Variants in CDK17 observed in about 807,000 individuals in gnomAD.
The protein encoded by CDK17 is cyclin dependent kinase 17, also known as cyclin-dependent kinase 17.
Under a neutral mutation model 77.6 loss-of-function variants are expected in CDK17, and 24 were observed. That is an observed-to-expected ratio of 0.31 (90% confidence interval 0.22 to 0.44). The LOEUF (loss-of-function observed/expected upper bound fraction) is 0.44, where lower values mean the gene tolerates loss of function less well. CDK17 is among the 20% of genes least tolerant of loss of function. The pLI is 1.00. For missense variants in CDK17, 429 were observed against 622.5 expected, an observed-to-expected ratio of 0.69 and a Z score of 3.31; for synonymous variants, 203 against 210.4, an observed-to-expected ratio of 0.96 and a Z score of 0.30.
intron 4 of CDK17, among the ~76,000 whole-genome samples, chr12:96,313,064 C>T (rs545957646): frequency 5.3e-5 from 8 of 151,928 alleles, no homozygotes; most frequent in Non-Finnish European, 1.0e-4. Context: ...CCTAAAATAA[C>T]GTTTCGCAAA....
rs369406395 is a variant in CDK17 at position 96,400,178 on chromosome 12, G to T, written c.-222C>A. The stretch of plus-strand genomic sequence containing the variant: ...TCGCCGCGGGTCCGGAGCCTCGGGA[G>T]GGGCCGCGGGTGTCTCACGCGTTGC... On this transcript the variant is annotated 5_prime_UTR_variant, in exon 1 of 17. Coordinates refer to ENST00000261211, the MANE Select transcript of CDK17 (RefSeq NM_002595.5). 6.0e-4 allele frequency: 236 copies of T among 394,542 alleles called. 2 individuals are homozygous for T. In the East Asian group the frequency reaches 7.8e-3, roughly 13 times the overall value. 24.4% of individuals were successfully genotyped at this position (394,542 alleles called of 1,614,324 possible).
Position 96,286,068 on chromosome 12 carries a change from G to C in CDK17, c.1297C>G (p.Gln433Glu). The C allele has an allele frequency of 6.4e-7, 1 of 1,569,046 alleles. No homozygotes were observed. Among genetic ancestry groups the C allele is most frequent in the Non-Finnish European group, 8.7e-7 (1 of 1,153,402 alleles). Residue 433 changes from glutamine to glutamate, a missense_variant, in exon 13 of 17, where the codon CAG (glutamine) becomes GAG (glutamate). This residue lies in a region of CDK17 where 115 missense variants were observed against 124.2 expected (regional missense o/e 0.93). Coordinates refer to ENST00000261211, the MANE Select transcript of CDK17 (RefSeq NM_002595.5). ...CTGGGTGCGTGGTTAATTAGAGGCT[G>C]TGGTTTATATTTTGGAAAGTTGTAG... Reference protein sequence around the residue: ...KNYNFPKYKPQPLINHAPRLD... With the variant: ...KNYNFPKYKPEPLINHAPRLD...
chr12:96,306,244 T>C (rs1952575590), intron 5 of CDK17, among the ~76,000 whole-genome samples: 1 of 152,130 alleles, frequency 6.6e-6, no homozygotes, highest in African/African-American at 2.4e-5. Flanking sequence ...TATGTTATTT[T>C]TACTACTCAT....
At chr12:96,336,398 G>A (rs1953041306) in intron 1 of CDK17, among the ~76,000 whole-genome samples, 1 of 152,170 alleles carries the variant, frequency 6.6e-6, no homozygotes. Flanking sequence ...CCATGAATTT[G>A]AGGCTGCAGT....
chr12:96,309,012 C>T (rs990857938), intron 5 of CDK17, among the ~76,000 whole-genome samples: 1 of 152,086 alleles, frequency 6.6e-6, no homozygotes, highest in African/African-American at 2.4e-5. Context: ...AAAGCTATTG[C>T]TATGAAACAA....
At chr12:96,293,168 G>A (rs1952350080) in intron 10 of CDK17, among the ~76,000 whole-genome samples, 1 of 152,082 alleles carries the variant, frequency 6.6e-6, no homozygotes, top group African/African-American at 2.4e-5. Context: ...AAAACAGTAA[G>A]AAGAATGGCC....
intron 1 of CDK17, among the ~76,000 whole-genome samples, chr12:96,362,288 G>A (rs763118669): frequency 1.3e-5 from 2 of 151,572 alleles, no homozygotes; most frequent in Non-Finnish European, 2.9e-5. Context: ...GCCCCACATC[G>A]GCTCACTGCA....
chr12:96,296,080 A>G (rs1186100431), intron 9 of CDK17, among the ~76,000 whole-genome samples: 2 of 152,238 alleles, frequency 1.3e-5, no homozygotes, highest in East Asian at 1.9e-4. Context: ...TAAAATTACT[A>G]TTTAAATGAA....
intron 2 of CDK17, among the ~76,000 whole-genome samples, chr12:96,325,715 T>C (rs1387721782): frequency 1.3e-5 from 2 of 152,206 alleles, no homozygotes; most frequent in Non-Finnish European, 2.9e-5. Context: ...ATCTGTACAT[T>C]CCCTGGCAGT....
intron 1 of CDK17, among the ~76,000 whole-genome samples, chr12:96,394,091 CA>C (rs1383834362): frequency 2.0e-5 from 3 of 151,648 alleles, no homozygotes; most frequent in African/African-American, 7.3e-5. Flanking sequence ...ACTAAAAATA[CA>C]AAAATTAGCT....
At chr12:96,389,307 G>A (rs1954027897) in intron 1 of CDK17, among the ~76,000 whole-genome samples, 1 of 151,842 alleles carries the variant, frequency 6.6e-6, no homozygotes, top group Non-Finnish European at 1.5e-5. Context: ...TAGTAATATG[G>A]TTATTATAAG....
At chr12:96,306,757 T>C (rs1169286542) in intron 5 of CDK17, among the ~76,000 whole-genome samples, 1 of 152,150 alleles carries the variant, frequency 6.6e-6, no homozygotes, top group African/African-American at 2.4e-5. Flanking sequence ...TATAAAAAAA[T>C]GAGTTTCTTT....
At chr12:96,396,093 G>T (rs1293741271) in intron 1 of CDK17, among the ~76,000 whole-genome samples, 1 of 152,168 alleles carries the variant, frequency 6.6e-6, no homozygotes, top group Non-Finnish European at 1.5e-5. Flanking sequence ...TCCTCAAACA[G>T]TATTCAGTAT....
intron 1 of CDK17, among the ~76,000 whole-genome samples, chr12:96,367,073 G>A (rs779208261): frequency 7.9e-5 from 12 of 151,936 alleles, no homozygotes; most frequent in Non-Finnish European, 8.8e-5. Context: ...GGCCATGTGC[G>A]ATGGCTCACG....
intron 5 of CDK17, chr12:96,303,375 T>A (rs895521401): frequency 6.6e-6 from 1 of 152,146 alleles, no homozygotes; most frequent in African/African-American, 2.4e-5. Flanking sequence ...GTTGTTCCAG[T>A]CTCTGCAGAA....
At chr12:96,331,738 T>C (rs989591081) in intron 2 of CDK17, among the ~76,000 whole-genome samples, 1 of 152,184 alleles carries the variant, frequency 6.6e-6, no homozygotes, top group African/African-American at 2.4e-5. Flanking sequence ...ATCATACCCA[T>C]AATTTCTCCA....
At chr12:96,351,747 C>T (rs1313817888) in intron 1 of CDK17, among the ~76,000 whole-genome samples, 2 of 152,124 alleles carry the variant, frequency 1.3e-5, no homozygotes, top group East Asian at 1.9e-4. Context: ...TCCATCAAGC[C>T]TAAATATGGT....
chr12:96,375,699 C>A (rs1298847068), intron 1 of CDK17, among the ~76,000 whole-genome samples: 1 of 151,940 alleles, frequency 6.6e-6, no homozygotes, highest in South Asian at 2.1e-4. Flanking sequence ...CACCCACCAC[C>A]ACGCCTGGGT....
At chr12:96,296,183 G>A (rs1180460242) in intron 9 of CDK17, among the ~76,000 whole-genome samples, 2 of 152,018 alleles carry the variant, frequency 1.3e-5, no homozygotes, top group Middle Eastern at 3.2e-3. Flanking sequence ...ATGTAAACCT[G>A]GCATTAAAGA....
Sources: allele counts gnomAD v4.1 joint callset (sites outside exome capture counted in the v4.1 genomes callset), GRCh38; gene constraint gnomAD v4.1.1; regional missense constraint gnomAD v4.1.1; transcripts MANE v1.5; gene names NCBI Gene and HGNC (gene_info 2026-07-23, HGNC 2026-07-21).